The following KCNIP4 variants were observed in gnomAD, a reference collection of about 807,000 sequenced individuals.
The protein encoded by KCNIP4 is potassium voltage-gated channel interacting protein 4.
In KCNIP4, 12 loss-of-function variants were observed where a neutral mutation model predicts 34.0. That is an observed-to-expected ratio of 0.35 (90% CI 0.23 to 0.57). The LOEUF (loss-of-function observed/expected upper bound fraction) is 0.57, where lower values mean the gene tolerates loss of function less well. Among genes scored for constraint, KCNIP4 ranks in the 20% least tolerant of loss-of-function variants. The pLI is 0.83. For missense variants in KCNIP4, 238 were observed against 311.7 expected (o/e 0.76, Z 1.78); for synonymous variants, 124 against 102.2 (o/e 1.21, Z -1.29).
intron 3 of KCNIP4, among the ~76,000 whole-genome samples, chr4:20,811,491 ATGTGTG>A (rs754289052): frequency 2.8e-4 from 41 of 147,620 alleles, no homozygotes; most frequent in Admixed American, 3.4e-4. Flanking sequence ...GTGTGTGTGC[ATGTGTG>A]TGTGTGTGTG....
intron 1 of KCNIP4, among the ~76,000 whole-genome samples, chr4:21,734,841 G>T (rs932993987): frequency 1.3e-5 from 2 of 152,042 alleles, no homozygotes; most frequent in Admixed American, 1.3e-4. Context: ...CAGGCTCTAA[G>T]ATTTTTTTTT....
intron 1 of KCNIP4, among the ~76,000 whole-genome samples, chr4:21,259,841 G>A (rs1450291820): frequency 2.7e-5 from 4 of 150,868 alleles, no homozygotes; most frequent in African/African-American, 9.7e-5. Context: ...TCTATCAAAG[G>A]GAACACTATC....
intron 1 of KCNIP4, among the ~76,000 whole-genome samples, chr4:21,678,305 ATTTT>A (rs59561334): frequency 1.7e-5 from 2 of 117,596 alleles, no homozygotes; most frequent in Admixed American, 1.9e-4. Flanking sequence ...TCTTCTTTTG[ATTTT>A]TTTTTTTTTT....
rs542051489 is a variant in KCNIP4 at position 21,464,352 on chromosome 4, A to G, written c.61+484219T>C. 1.3e-4 allele frequency among the ~76,000 whole-genome samples: 20 copies of G among 152,086 alleles called. No individual in the cohort carries two copies. In the Middle Eastern group the frequency reaches 0.01, roughly 78 times the overall value. ...ATTTGTAGTTATAAATTTCTCTGTAAGTACTGTGTAAGCTACATTCTATAA... is the reference window on the plus strand; with the variant it reads ...ATTTGTAGTTATAAATTTCTCTGTAGGTACTGTGTAAGCTACATTCTATAA... On this transcript the variant is annotated intron_variant, in intron 1 of 8. Coordinates refer to ENST00000382152, the MANE Select transcript of KCNIP4 (RefSeq NM_025221.6).
intron 3 of KCNIP4, among the ~76,000 whole-genome samples, chr4:20,772,014 G>A (rs1487503314): frequency 1.3e-5 from 2 of 152,150 alleles, no homozygotes; most frequent in Non-Finnish European, 2.9e-5. Flanking sequence ...GCTGGGCACT[G>A]AGCCATGTGG....
At chr4:20,808,131 G>A (rs1033290705) in intron 3 of KCNIP4, among the ~76,000 whole-genome samples, 1 of 152,118 alleles carries the variant, frequency 6.6e-6, no homozygotes, top group Non-Finnish European at 1.5e-5. Context: ...TGGTAAAACT[G>A]TTGAATATAT....
chr4:21,205,369 CA>C (rs1240737497), intron 1 of KCNIP4, among the ~76,000 whole-genome samples: 1 of 152,162 alleles, frequency 6.6e-6, no homozygotes, highest in Non-Finnish European at 1.5e-5. Context: ...ACAGACGCTT[CA>C]GGAGGTGTCT....
intron 1 of KCNIP4, among the ~76,000 whole-genome samples, chr4:21,440,464 T>C (rs1727363354): frequency 6.6e-6 from 1 of 152,220 alleles, no homozygotes. Flanking sequence ...TGTAATCATT[T>C]TATTTGCCCT....
intron 1 of KCNIP4, among the ~76,000 whole-genome samples, chr4:21,381,115 G>A (rs971881146): frequency 4.6e-5 from 7 of 152,298 alleles, no homozygotes; most frequent in Admixed American, 4.6e-4. Context: ...ACTAAGGGAT[G>A]TTCTGTGCCT....
intron 1 of KCNIP4, among the ~76,000 whole-genome samples, chr4:21,638,959 G>A (rs1746416652): frequency 6.6e-6 from 1 of 152,252 alleles, no homozygotes; most frequent in South Asian, 2.1e-4. Context: ...ATATGTACTG[G>A]TTAACTGTGA....
intron 1 of KCNIP4, among the ~76,000 whole-genome samples, chr4:21,238,668 CA>C (rs1759559071): frequency 1.3e-5 from 2 of 152,126 alleles, no homozygotes; most frequent in African/African-American, 4.8e-5. Context: ...ATCCAACTTA[CA>C]AGGGATGTGA....
intron 1 of KCNIP4, among the ~76,000 whole-genome samples, chr4:21,039,728 T>C (rs1741783840): frequency 6.6e-6 from 1 of 152,116 alleles, no homozygotes; most frequent in Admixed American, 6.5e-5. Context: ...CTGGGAGTGA[T>C]CTTTTGTTTT....
chr4:20,748,568 A>T (rs1290047462), intron 5 of KCNIP4, among the ~76,000 whole-genome samples: 10 of 15,458 alleles, frequency 6.5e-4, no homozygotes, highest in African/African-American at 2.1e-3. Context: ...TTTTATATAT[A>T]TATATATATA....
At chr4:20,849,616 T>C (rs1720785105) in intron 3 of KCNIP4, among the ~76,000 whole-genome samples, 1 of 147,720 alleles carries the variant, frequency 6.8e-6, no homozygotes, top group African/African-American at 2.4e-5. Flanking sequence ...GCACTGGAAC[T>C]GGGGTTCTTA....
intron 1 of KCNIP4, among the ~76,000 whole-genome samples, chr4:21,825,131 G>C (rs781214031): frequency 2.6e-5 from 4 of 152,068 alleles, no homozygotes; most frequent in Non-Finnish European, 4.4e-5. Flanking sequence ...AGGACTTGAC[G>C]TAAGTGGTAG....
chr4:21,184,089 A>G (rs1352839807), intron 1 of KCNIP4, among the ~76,000 whole-genome samples: 1 of 152,158 alleles, frequency 6.6e-6, no homozygotes, highest in Admixed American at 6.5e-5. Context: ...TAAACTCCAG[A>G]GTCAGCTTGG....
chr4:21,615,609 A>G (rs1288967202), intron 1 of KCNIP4, among the ~76,000 whole-genome samples: 1 of 152,158 alleles, frequency 6.6e-6, no homozygotes, highest in East Asian at 1.9e-4. Context: ...GATACCAAAC[A>G]ATGAAACAGA....
chr4:21,828,363 G>A (rs1722791804), intron 1 of KCNIP4, among the ~76,000 whole-genome samples: 1 of 151,934 alleles, frequency 6.6e-6, no homozygotes, highest in East Asian at 1.9e-4. Context: ...TATTCTGAAG[G>A]TAGTGTAAGA....
chr4:20,858,167 C>T (rs987416321), intron 2 of KCNIP4, among the ~76,000 whole-genome samples: 7 of 136,528 alleles, frequency 5.1e-5, no homozygotes, highest in African/African-American at 1.4e-4. Flanking sequence ...GCCGAGATCT[C>T]GCTACTGCAC....
Sources: gnomAD v4.1 joint callset for allele counts (sites outside exome capture counted in the v4.1 genomes callset) on GRCh38, gnomAD v4.1.1 for gene constraint, MANE v1.5 for transcripts, NCBI Gene and HGNC (gene_info 2026-07-23, HGNC 2026-07-21) for gene names.